The following ATP10B variants were observed in gnomAD, a reference collection of about 807,000 sequenced individuals.
The protein encoded by ATP10B is phospholipid-transporting ATPase VB.
A neutral mutation model predicts 141.2 loss-of-function variants in ATP10B; 122 were observed. The observed-to-expected ratio is 0.86, with a 90% CI of 0.75 to 1.00. The LOEUF (loss-of-function observed/expected upper bound fraction) is 1.00, where lower values mean the gene tolerates loss of function less well. Among genes scored for constraint, ATP10B ranks in the 50% least tolerant of loss-of-function variants. The probability of loss-of-function intolerance (pLI) is 0.00; values close to 1 mark genes in which losing one functional copy is unlikely to be tolerated. For synonymous variants in ATP10B, 685 were observed against 692.0 expected, an observed-to-expected ratio of 0.99 and a Z score of 0.16; for missense variants, 1,876 against 1,825.3, an observed-to-expected ratio of 1.03 and a Z score of -0.51.
intron 1 of ATP10B, among the ~76,000 whole-genome samples, chr5:160,821,003 A>T (rs757940035): frequency 1.3e-5 from 2 of 151,908 alleles, no homozygotes; most frequent in Admixed American, 6.6e-5. Context: ...GTCTACTTTC[A>T]CCTAGCTAGA....
chr5:160,894,027 AC>A, the ATP10B span, among the ~76,000 whole-genome samples: 1 of 151,960 alleles, frequency 6.6e-6, no homozygotes, highest in Non-Finnish European at 1.5e-5. Flanking sequence ...CCACACAAAA[AC>A]CCCATTTGAA....
rs114411178 is a variant in ATP10B at position 160,837,468 on chromosome 5, T to C, written c.-576+14473A>G. 6.0e-3 allele frequency among the ~76,000 whole-genome samples: 919 copies of C among 152,304 alleles called. 13 individuals carry two copies. The highest frequency in any genetic ancestry group is 0.021 in the African/African-American group (875 of 41,568). Reference sequence around the variant, plus strand: ...AGGGAAACCCATGTTAGTATTTTTCTTCCTAAAATGTGTTACCATTTTACT... The same window carrying C: ...AGGGAAACCCATGTTAGTATTTTTCCTCCTAAAATGTGTTACCATTTTACT... On this transcript the variant is annotated intron_variant, in intron 1 of 25. Coordinates refer to ENST00000327245, the MANE Select transcript of ATP10B (RefSeq NM_025153.3).
chr5:160,914,166 GT>G, the ATP10B span, among the ~76,000 whole-genome samples: 2 of 152,078 alleles, frequency 1.3e-5, no homozygotes, highest in East Asian at 1.9e-4. Flanking sequence ...AATTGAACAG[GT>G]TTTTTTATGT....
intron 24 of ATP10B, among the ~76,000 whole-genome samples, chr5:160,578,981 C>A (rs1371126046): frequency 1.3e-5 from 2 of 152,158 alleles, no homozygotes; most frequent in Non-Finnish European, 2.9e-5. Context: ...TAAATGTCTT[C>A]TTTTGAGAAG....
At chr5:160,673,533 GTTT>G (rs34256429) in intron 6 of ATP10B, among the ~76,000 whole-genome samples, 97,088 of 150,156 alleles carry the variant, frequency 0.65, 31,982 homozygotes, top group Middle Eastern at 0.78. Flanking sequence ...ATTTTGTTTT[GTTT>G]TTTTTTTTTT....
the ATP10B span, among the ~76,000 whole-genome samples, chr5:160,905,229 C>T: frequency 6.6e-6 from 1 of 152,190 alleles, no homozygotes; most frequent in Non-Finnish European, 1.5e-5. Flanking sequence ...TTCTTGACTA[C>T]TACATTATAT....
At chr5:160,843,589 G>T (rs956846654) in intron 1 of ATP10B, among the ~76,000 whole-genome samples, 6 of 151,596 alleles carry the variant, frequency 4.0e-5, no homozygotes, top group Non-Finnish European at 8.8e-5. Flanking sequence ...CTGAAAATCT[G>T]CAGTTCATTA....
At chr5:160,705,154 G>A (rs1211662977) in intron 3 of ATP10B, among the ~76,000 whole-genome samples, 4 of 151,866 alleles carry the variant, frequency 2.6e-5, no homozygotes, top group Admixed American at 6.6e-5. Flanking sequence ...TCCTGACCTC[G>A]TGATCTGCCA....
chr5:160,788,950 T>C (rs751968400), intron 1 of ATP10B, among the ~76,000 whole-genome samples: 1 of 152,160 alleles, frequency 6.6e-6, no homozygotes, highest in African/African-American at 2.4e-5. Flanking sequence ...ATGTGATACA[T>C]ACAAAGATGG....
At chr5:160,812,044 GA>G (rs1773205997) in intron 1 of ATP10B, among the ~76,000 whole-genome samples, 3 of 151,840 alleles carry the variant, frequency 2.0e-5, no homozygotes, top group Non-Finnish European at 2.9e-5. Context: ...GAGAGAGAGA[GA>G]GAGAGAGAGA....
chr5:160,752,135 C>A (rs1768194692), intron 2 of ATP10B, among the ~76,000 whole-genome samples: 1 of 149,362 alleles, frequency 6.7e-6, no homozygotes, highest in Non-Finnish European at 1.5e-5. Flanking sequence ...TAAAGATAAA[C>A]CACAGCCAAT....
chr5:160,639,692 G>A (rs905293451), intron 10 of ATP10B, among the ~76,000 whole-genome samples: 6 of 152,266 alleles, frequency 3.9e-5, no homozygotes, highest in African/African-American at 1.2e-4. Flanking sequence ...CTGGTTTTGC[G>A]GAAGACAATT....
At chr5:160,842,029 A>G (rs1393215251) in intron 1 of ATP10B, among the ~76,000 whole-genome samples, 2 of 152,148 alleles carry the variant, frequency 1.3e-5, no homozygotes, top group Non-Finnish European at 2.9e-5. Flanking sequence ...CCGGCCTACA[A>G]GGATTTCAAG....
At chr5:160,672,623 G>T (rs1356610344) in intron 6 of ATP10B, among the ~76,000 whole-genome samples, 3 of 152,220 alleles carry the variant, frequency 2.0e-5, no homozygotes, top group African/African-American at 7.2e-5. Context: ...CTGGCTTGAA[G>T]CTGGGTGCCT....
chr5:160,893,748 G>A, the ATP10B span, among the ~76,000 whole-genome samples: 19 of 152,284 alleles, frequency 1.2e-4, no homozygotes, highest in East Asian at 3.7e-3. Flanking sequence ...CTCCTAACTG[G>A]GAGACACCTC....
At chr5:160,723,929 AC>A (rs1217949549) in intron 2 of ATP10B, among the ~76,000 whole-genome samples, 1 of 152,214 alleles carries the variant, frequency 6.6e-6, no homozygotes, top group East Asian at 1.9e-4. Context: ...GTACATATAC[AC>A]CATGGAATAC....
the ATP10B span, among the ~76,000 whole-genome samples, chr5:160,905,184 A>T: frequency 9.4e-3 from 1,426 of 152,352 alleles, 13 homozygotes; most frequent in South Asian, 0.018. Context: ...AAACCAGCCT[A>T]ATGTCAGACA....
intron 2 of ATP10B, among the ~76,000 whole-genome samples, chr5:160,755,835 AAAAATATATATATATATATATATATAT>A (rs1468579340): frequency 3.8e-5 from 3 of 79,000 alleles, no homozygotes; most frequent in Admixed American, 1.5e-4. Context: ...AAAAAAAAAA[AAAAATATATATATATATATATATATAT>A]ATATATATAT....
At chr5:160,571,868 C>T (rs1395694690) in intron 24 of ATP10B, among the ~76,000 whole-genome samples, 2 of 152,182 alleles carry the variant, frequency 1.3e-5, no homozygotes, top group African/African-American at 2.4e-5. Context: ...TTTCTGCTCT[C>T]TTCAGCACAG....
Sources: gnomAD v4.1 joint callset for allele counts (sites outside exome capture counted in the v4.1 genomes callset) on GRCh38, gnomAD v4.1.1 for gene constraint, MANE v1.5 for transcripts, NCBI Gene and HGNC (gene_info 2026-07-23, HGNC 2026-07-21) for gene names.